PARG: variants seen among roughly 807,000 people sequenced by gnomAD.
PARG encodes mitochondrial poly(ADP-ribose) glycohydrolase.
In PARG, 35 loss-of-function variants were observed where a neutral mutation model predicts 113.0. That is an observed-to-expected ratio of 0.31 (90% CI 0.24 to 0.41). The LOEUF (loss-of-function observed/expected upper bound fraction) is 0.41. Ranked by LOEUF, PARG falls within the 10% of genes least tolerant of loss-of-function variation. The pLI is 1.00. For missense variants in PARG, 797 were observed against 1,169.4 expected (o/e 0.68, Z 4.64); for synonymous variants, 330 against 409.9 (o/e 0.81, Z 2.36).
chr10:49,859,686 G>C (rs1429894560), intron 12 of PARG, among the ~76,000 whole-genome samples: 10 of 152,106 alleles, frequency 6.6e-5, no homozygotes, highest in Non-Finnish European at 1.2e-4. Context: ...TGATAATGAT[G>C]ATGAAATACA....
chr10:49,885,227 G>C lies in PARG; in HGVS notation c.1806C>G (p.Leu602=). 1 of 1,597,732 alleles carries C rather than the reference G, an allele frequency of 6.3e-7. No homozygotes were observed. The highest frequency in any genetic ancestry group is 8.6e-7 in the Non-Finnish European group (1 of 1,166,936). Residue 602 remains leucine (L), a synonymous_variant, in exon 8 of 18, where the codon CTC becomes CTG. Transcript: ENST00000616448. ...SILPDMVKIA[L]CLPNICTQPI... ...CCTGGGTGCAAATATTTGGCAGACA[G>C]AGTGCAATTTTCACCATATCAGGCA...
intron 8 of PARG, among the ~76,000 whole-genome samples, chr10:49,883,116 T>G (rs149178997): frequency 6.6e-6 from 1 of 152,258 alleles, no homozygotes; most frequent in Non-Finnish European, 1.5e-5. Flanking sequence ...TTACATAAAA[T>G]TGAAAACATC....
intron 7 of PARG, among the ~76,000 whole-genome samples, chr10:49,888,035 G>A (rs1847582649): frequency 6.6e-6 from 1 of 151,850 alleles, no homozygotes; most frequent in African/African-American, 2.4e-5. Context: ...GCATCTCTTT[G>A]AATAGATTTT....
chr10:49,821,437 T>C (rs1554828607), intron 16 of PARG, among the ~76,000 whole-genome samples: 1 of 152,186 alleles, frequency 6.6e-6, no homozygotes, highest in Non-Finnish European at 1.5e-5. Context: ...TGGAATGTAG[T>C]GGTGTGATCT....
intron 16 of PARG, among the ~76,000 whole-genome samples, chr10:49,826,907 G>A (rs1262910412): frequency 2.6e-5 from 4 of 152,186 alleles, no homozygotes; most frequent in African/African-American, 9.7e-5. Context: ...AGATGAAAAT[G>A]AGGCCATTAT....
At chr10:49,929,556 G>A (rs1327931587) in intron 4 of PARG, among the ~76,000 whole-genome samples, 1 of 152,332 alleles carries the variant, frequency 6.6e-6, no homozygotes, top group Non-Finnish European at 1.5e-5. Flanking sequence ...GGCTGGGCGC[G>A]GTGGCTCACG....
intron 6 of PARG, among the ~76,000 whole-genome samples, chr10:49,917,910 GTATT>G (rs1283456017): frequency 6.6e-6 from 1 of 151,172 alleles, no homozygotes; most frequent in Non-Finnish European, 1.5e-5. Context: ...ACTTCATAAA[GTATT>G]AAATAGAAAT....
intron 9 of PARG, among the ~76,000 whole-genome samples, chr10:49,869,975 T>G (rs1846714219): frequency 6.6e-6 from 1 of 152,156 alleles, no homozygotes; most frequent in Middle Eastern, 3.4e-3. Flanking sequence ...ATCTGAGTGT[T>G]TGTGAGGAAA....
rs1838684772 is a variant in PARG, at chr10:49,935,116, A to G, written c.244T>C (p.Trp82Arg). 26 of 779,524 alleles carry G rather than the reference A, an allele frequency of 3.3e-5. No homozygotes were observed. In the South Asian group the frequency reaches 3.9e-4, roughly 12 times the overall value. 48.3% of individuals were successfully genotyped at this position (779,524 alleles called of 1,614,324 possible). A position where few individuals can be genotyped will look rare whatever the true frequency, so the allele number is the denominator to read the frequency against. ...GTCTTGATTCCTTTAGTGTCCATCC[A>G]ACTGGTAATAGTCTTTTGTTTGAAA... ...LVFKQKTITS[W>R]MDTKGIKTAE... Residue 82 changes from tryptophan (W) to arginine (R), a missense_variant, in exon 2 of 18, where the codon TGG becomes CGG. This residue lies in a region of PARG where 284 missense variants were observed against 306.1 expected (regional missense o/e 0.93). Coordinates refer to ENST00000616448, the MANE Select transcript of PARG (RefSeq NM_003631.5).
chr10:49,919,455 A>G (rs1374387444), intron 6 of PARG, among the ~76,000 whole-genome samples: 4 of 152,248 alleles, frequency 2.6e-5, no homozygotes, highest in East Asian at 3.8e-4. Flanking sequence ...GGCTAGTACT[A>G]TTAATAGAAA....
chr10:49,893,930 C>A (rs1847942233), intron 7 of PARG, among the ~76,000 whole-genome samples: 1 of 152,014 alleles, frequency 6.6e-6, no homozygotes, highest in Non-Finnish European at 1.5e-5. Flanking sequence ...GATCTCCTGA[C>A]CTCGTGATCC....
intron 6 of PARG, among the ~76,000 whole-genome samples, chr10:49,920,643 C>CGTATAT (rs1588993289): frequency 1.2e-4 from 18 of 146,704 alleles, no homozygotes; most frequent in East Asian, 6.1e-4. Flanking sequence ...TATATATACA[C>CGTATAT]ATATACGTAT....
intron 11 of PARG, among the ~76,000 whole-genome samples, chr10:49,862,086 CGTGTGTGTGTGT>C (rs35142553): frequency 3.5e-5 from 5 of 143,036 alleles, no homozygotes; most frequent in Non-Finnish European, 7.6e-5. Flanking sequence ...GTTTCATAAC[CGTGTGTGTGTGT>C]GTGTGTGTGT....
rs538653729 is a variant in PARG, at chr10:49,887,335, AGTACAATGT to A, written c.1738-2049_1738-2041del. On this transcript the variant is annotated intron_variant, in intron 7 of 17. Transcript: ENST00000616448. The stretch of plus-strand genomic sequence containing the variant: ...TAACATACTAAAAACCAGGAATACC[AGTACAATGT>A]GTATCATTCTATGCCATTTTATCAC... Among the ~76,000 whole-genome samples the A allele has an allele frequency of 2.5e-4, 38 of 152,344 alleles. 1 individual carries two copies. In the South Asian group the frequency reaches 7.5e-3, roughly 30 times the overall value.
In PARG at chr10:49,865,487, G is replaced by A. The variant is rs1288602301; in HGVS notation, c.2069-106C>T. ...CACACACACACACACACACACACTC[G>A]GTAAAAGAATAGGTCTAACATTGGC... On this transcript the variant is annotated intron_variant, in intron 10 of 17. Coordinates refer to ENST00000616448, the MANE Select transcript of PARG (RefSeq NM_003631.5). 1.1e-4 allele frequency: 39 copies of A among 365,136 alleles called. 4 individuals are homozygous for A. The highest frequency in any genetic ancestry group is 1.9e-4 in the African/African-American group (6 of 31,206). 22.6% of individuals were successfully genotyped at this position (365,136 alleles called of 1,614,324 possible).
chr10:49,892,733 C>T (rs1200603973), intron 7 of PARG, among the ~76,000 whole-genome samples: 1 of 152,012 alleles, frequency 6.6e-6, no homozygotes, highest in African/African-American at 2.4e-5. Flanking sequence ...TTTTTTAATG[C>T]GTTTTGAGGT....
chr10:49,904,892 C>T (rs186546127), intron 7 of PARG, among the ~76,000 whole-genome samples: 4 of 150,928 alleles, frequency 2.7e-5, no homozygotes, highest in South Asian at 2.1e-4. Context: ...CTCCAACCTG[C>T]GCAACAGACC....
At chr10:49,825,828 C>T (rs990305771) in intron 16 of PARG, among the ~76,000 whole-genome samples, 4 of 152,126 alleles carry the variant, frequency 2.6e-5, no homozygotes. Flanking sequence ...TCCCAGCTCA[C>T]AGATAGTTAA....
chr10:49,887,534 A>C (rs1337251669), intron 7 of PARG, among the ~76,000 whole-genome samples: 2 of 152,184 alleles, frequency 1.3e-5, no homozygotes, highest in Non-Finnish European at 2.9e-5. Flanking sequence ...TGTTACCTAC[A>C]TGGAAACATA....
Sources: gnomAD v4.1 joint callset for allele counts (sites outside exome capture counted in the v4.1 genomes callset) on GRCh38, gnomAD v4.1.1 for gene constraint, gnomAD v4.1.1 regional missense constraint, MANE v1.5 for transcripts, NCBI Gene and HGNC (gene_info 2026-07-23, HGNC 2026-07-21) for gene names.